The following PIGN variants were observed in gnomAD, a reference collection of about 807,000 sequenced individuals.
PIGN encodes the protein phosphatidylinositol glycan anchor biosynthesis class N.
Under a neutral mutation model 125.4 loss-of-function variants are expected in PIGN, and 117 were observed. The ratio of observed to expected loss-of-function variants is 0.93; its 90% confidence interval spans 0.80 to 1.09. The LOEUF (loss-of-function observed/expected upper bound fraction) is 1.09. PIGN is among the 50% of genes least tolerant of loss of function. The pLI is 0.00. For synonymous variants in PIGN, 392 were observed against 377.8 expected, an observed-to-expected ratio of 1.04 and a Z score of -0.44; for missense variants, 1,075 against 1,094.9, an observed-to-expected ratio of 0.98 and a Z score of 0.26.
rs1417690789 is a variant in PIGN at position 62,041,450 on chromosome 18, T to G, written c.*4406A>C. 1 of 152,194 alleles carries G rather than the reference T, an allele frequency of 6.6e-6. No homozygotes were observed. The highest frequency in any genetic ancestry group is 1.5e-5 in the Non-Finnish European group (1 of 68,032). 9.4% of individuals were successfully genotyped at this position (152,194 alleles called of 1,614,324 possible). ...TCAATCAACATACAACACCCTATTT[T>G]CAAAACTATGACAAATTAAGGTTTT... On this transcript the variant is annotated 3_prime_UTR_variant, in exon 31 of 31. Coordinates refer to ENST00000640252, the MANE Select transcript of PIGN (RefSeq NM_176787.5).
chr18:62,093,364 A>G (rs573976998), intron 23 of PIGN, among the ~76,000 whole-genome samples: 2 of 152,232 alleles, frequency 1.3e-5, no homozygotes, highest in African/African-American at 4.8e-5. Context: ...TAGTTCATAT[A>G]AAGTCTGTAT....
intron 7 of PIGN, 93 bp from the exon 8 acceptor site, chr18:62,148,431 AAAATT>A: frequency 1.2e-6 from 1 of 865,290 alleles, no homozygotes; most frequent in South Asian, 1.8e-5. Flanking sequence ...GCATAAGTAC[AAAATT>A]AAATTATCTC....
chr18:62,081,519 GTGTTT>G (rs2033446829), intron 28 of PIGN, among the ~76,000 whole-genome samples: 1 of 152,146 alleles, frequency 6.6e-6, no homozygotes, highest in Admixed American at 6.5e-5. Context: ...CTCTCCTGTT[GTGTTT>G]TGTTTTTCAT....
intron 9 of PIGN, among the ~76,000 whole-genome samples, 182 bp downstream of exon 9, chr18:62,146,789 T>G (rs978362535): frequency 6.6e-6 from 1 of 152,198 alleles, no homozygotes; most frequent in Non-Finnish European, 1.5e-5. Flanking sequence ...GTTTTTTAGT[T>G]AGAGAAAATA....
chr18:62,020,154 CGGAGCCTGAACGGGTCT>C (rs1568102203), intron 23 of PIGN, among the ~76,000 whole-genome samples: 6 of 152,196 alleles, frequency 3.9e-5, no homozygotes, highest in African/African-American at 1.4e-4. Flanking sequence ...GTTGAACTAC[CGGAGCCTGAACGGGTCT>C]GGAGATGCTC....
intron 21 of PIGN, among the ~76,000 whole-genome samples, chr18:62,101,471 T>G (rs1429998317): frequency 1.3e-5 from 2 of 152,200 alleles, no homozygotes; most frequent in Non-Finnish European, 2.9e-5. Context: ...TCAGAAACAT[T>G]CACTTCTGTC....
At chr18:62,117,233 G>T (rs998276278) in intron 14 of PIGN, among the ~76,000 whole-genome samples, 1 of 151,794 alleles carries the variant, frequency 6.6e-6, no homozygotes, top group African/African-American at 2.4e-5. Flanking sequence ...AATTGAGAGG[G>T]GATATAAAGT....
intron 30 of PIGN, among the ~76,000 whole-genome samples, chr18:62,064,596 TA>T (rs2032392880): frequency 1.3e-5 from 2 of 152,238 alleles, no homozygotes; most frequent in African/African-American, 4.8e-5. Flanking sequence ...TTCTACTCTG[TA>T]AAACAGAAAT....
intron 18 of PIGN, 37 bp from the exon 19 acceptor site, chr18:62,106,918 G>A (rs372800029): frequency 1.4e-5 from 22 of 1,555,914 alleles, no homozygotes; most frequent in Non-Finnish European, 1.9e-5. Flanking sequence ...GAAAAATAAG[G>A]TCATTTAATA....
intron 23 of PIGN, among the ~76,000 whole-genome samples, chr18:62,021,517 G>A (rs1436965802): frequency 6.6e-6 from 1 of 152,212 alleles, no homozygotes; most frequent in African/African-American, 2.4e-5. Context: ...AGGGCCAAGT[G>A]TTGCTGCACA....
At chr18:62,068,013 A>G (rs1050778147) in intron 30 of PIGN, among the ~76,000 whole-genome samples, 7 of 152,338 alleles carry the variant, frequency 4.6e-5, no homozygotes, top group African/African-American at 1.7e-4. Flanking sequence ...GTCCTTTGTT[A>G]GGAGGAGGCT....
At chr18:62,114,192 T>C (rs2034995630) in intron 15 of PIGN, among the ~76,000 whole-genome samples, 1 of 151,992 alleles carries the variant, frequency 6.6e-6, no homozygotes, top group African/African-American at 2.4e-5. Context: ...CAAAACCCCA[T>C]CTCTACTAAA....
intron 30 of PIGN, among the ~76,000 whole-genome samples, chr18:62,061,511 CAAAAAAAAAAA>C (rs373391589): frequency 3.0e-5 from 1 of 33,212 alleles, no homozygotes; most frequent in Non-Finnish European, 7.3e-5. Flanking sequence ...GACTCCGTCT[CAAAAAAAAAAA>C]AAAAAAAAAA....
chr18:62,112,963 A>T, intron 16 of PIGN, 171 bp downstream of exon 16: 1 of 545,376 alleles, frequency 1.8e-6, no homozygotes, highest in Admixed American at 3.5e-5. Context: ...TCTTTTTCTC[A>T]ACTGAAGAAA....
chr18:62,036,226 CTT>C (rs1354631453), downstream of PIGN, among the ~76,000 whole-genome samples: 4 of 150,984 alleles, frequency 2.6e-5, no homozygotes, highest in Non-Finnish European at 3.0e-5. Context: ...CTTTTTTTTT[CTT>C]TTTAATTGTT....
intron 30 of PIGN, among the ~76,000 whole-genome samples, chr18:62,050,475 G>T (rs964148010): frequency 3.9e-5 from 6 of 152,068 alleles, no homozygotes; most frequent in African/African-American, 1.2e-4. Context: ...GTGAATGGGA[G>T]TTCACTCATG....
chr18:62,102,111 C>T (rs543799394), intron 21 of PIGN, among the ~76,000 whole-genome samples: 1 of 151,706 alleles, frequency 6.6e-6, no homozygotes, highest in South Asian at 2.1e-4. Context: ...CCTGTAATCC[C>T]AGCTACTCAA....
At chr18:62,066,625 C>T (rs1168430944) in intron 30 of PIGN, among the ~76,000 whole-genome samples, 1 of 152,112 alleles carries the variant, frequency 6.6e-6, no homozygotes, top group African/African-American at 2.4e-5. Context: ...GCCTTTATCA[C>T]GTCTTTCAGG....
chr18:62,176,857 T>C (rs996359589), intron 1 of PIGN, among the ~76,000 whole-genome samples: 2 of 152,118 alleles, frequency 1.3e-5, no homozygotes, highest in East Asian at 1.9e-4. Context: ...AATTATATGA[T>C]GTTTACATAA....
Sources: gnomAD v4.1 joint callset for allele counts (sites outside exome capture counted in the v4.1 genomes callset) on GRCh38, gnomAD v4.1.1 for gene constraint, MANE v1.5 for transcripts, NCBI Gene and HGNC (gene_info 2026-07-23, HGNC 2026-07-21) for gene names.